The following WDR27 variants were observed in gnomAD, a reference collection of about 807,000 sequenced individuals.
The protein encoded by WDR27 is WD repeat domain 27.
WDR27 carries 100 observed loss-of-function variants against 114.4 expected under a neutral mutation model. That is an observed-to-expected ratio of 0.87 (90% confidence interval 0.74 to 1.03). WDR27 has a LOEUF of 1.03. Ranked by LOEUF, WDR27 falls within the 50% of genes least tolerant of loss-of-function variation. The pLI is 0.00. For synonymous variants in WDR27, 449 were observed against 423.1 expected (o/e 1.06, Z -0.75); for missense variants, 1,129 against 1,092.9 (o/e 1.03, Z -0.47).
chr6:169,656,798 A>G (rs1008427849), intron 13 of WDR27, among the ~76,000 whole-genome samples: 4 of 152,190 alleles, frequency 2.6e-5, no homozygotes, highest in African/African-American at 9.7e-5. Context: ...TCTCTGCTAT[A>G]GTGTCTTTTG....
At chr6:169,552,072 C>G (rs1798214351) in intron 25 of WDR27, among the ~76,000 whole-genome samples, 1 of 152,172 alleles carries the variant, frequency 6.6e-6, no homozygotes, top group Non-Finnish European at 1.5e-5. Flanking sequence ...CCCACTGCCC[C>G]CAGTCACTCA....
In WDR27 at chr6:169,691,529, C is replaced by T. The variant is rs372631364; in HGVS notation, c.-7-2517G>A. ...CTGCTGTCACCAGATCCACTGCTTC[C>T]CAAAACATAAAACATCTTCGGAGAC... On this transcript the variant is annotated intron_variant, in intron 1 of 25. Coordinates refer to ENST00000448612, the MANE Select transcript of WDR27 (RefSeq NM_182552.5). 1.9e-4 allele frequency among the ~76,000 whole-genome samples: 29 copies of T among 152,082 alleles called. No individual in the cohort carries two copies. In the South Asian group the frequency reaches 3.9e-3, roughly 21 times the overall value.
At chr6:169,506,617 T>C (rs1409155821) in intron 25 of WDR27, among the ~76,000 whole-genome samples, 1 of 152,178 alleles carries the variant, frequency 6.6e-6, no homozygotes, top group Non-Finnish European at 1.5e-5. Context: ...AGCACATGAG[T>C]AGGGTAAAAA....
intron 1 of WDR27, among the ~76,000 whole-genome samples, chr6:169,694,872 G>C (rs192499039): frequency 6.6e-6 from 1 of 152,224 alleles, no homozygotes; most frequent in South Asian, 2.1e-4. Context: ...ATTGATCCTT[G>C]AACATTTCTC....
chr6:169,587,997 T>C (rs1489009899), intron 23 of WDR27, among the ~76,000 whole-genome samples: 1 of 152,198 alleles, frequency 6.6e-6, no homozygotes, highest in East Asian at 1.9e-4. Context: ...GCACTTCCTA[T>C]GGGCCCCATG....
At chr6:169,559,756 A>AAC (rs1393793734) in intron 25 of WDR27, 1 of 152,212 alleles carries the variant, frequency 6.6e-6, no homozygotes. Context: ...GTGGCAGCAG[A>AAC]ACACACTCCT....
chr6:169,533,384 G>A (rs1313333370), intron 25 of WDR27, among the ~76,000 whole-genome samples: 1 of 152,078 alleles, frequency 6.6e-6, no homozygotes, highest in African/African-American at 2.4e-5. Context: ...GGAGTGACTG[G>A]GGACTCCTGA....
chr6:169,577,984 T>TA (rs1227836954), intron 24 of WDR27, among the ~76,000 whole-genome samples: 4 of 152,066 alleles, frequency 2.6e-5, no homozygotes, highest in South Asian at 2.1e-4. Flanking sequence ...CCAATTCACA[T>TA]AAAAAAATTC....
At chr6:169,441,618 G>A in the WDR27 span, among the ~76,000 whole-genome samples, 1 of 152,190 alleles carries the variant, frequency 6.6e-6, no homozygotes, top group Non-Finnish European at 1.5e-5. Context: ...CGCAGGAGAT[G>A]CTGAAACAAA....
intron 25 of WDR27, among the ~76,000 whole-genome samples, chr6:169,553,826 C>G (rs1260066689): frequency 1.3e-5 from 2 of 152,114 alleles, no homozygotes; most frequent in Non-Finnish European, 2.9e-5. Flanking sequence ...TGTTCCAAAG[C>G]CCTGGAACCC....
chr6:169,522,230 A>C (rs2128066132), intron 25 of WDR27, among the ~76,000 whole-genome samples: 1 of 152,184 alleles, frequency 6.6e-6, no homozygotes, highest in East Asian at 1.9e-4. Flanking sequence ...GTAAAAAGAG[A>C]CAAAAACACT....
At chr6:169,630,518 C>CT (rs796855744) in intron 21 of WDR27, among the ~76,000 whole-genome samples, 14 of 152,344 alleles carry the variant, frequency 9.2e-5, no homozygotes, top group African/African-American at 3.4e-4. Flanking sequence ...CAGATTTATA[C>CT]TTTAACATTC....
At chr6:169,585,112 A>G (rs1283404540) in intron 23 of WDR27, among the ~76,000 whole-genome samples, 1 of 152,206 alleles carries the variant, frequency 6.6e-6, no homozygotes, top group African/African-American at 2.4e-5. Context: ...TCTGCACACA[A>G]AAGAATGAAA....
chr6:169,621,931 A>G (rs1334246027), intron 21 of WDR27, among the ~76,000 whole-genome samples: 1 of 152,224 alleles, frequency 6.6e-6, no homozygotes, highest in Non-Finnish European at 1.5e-5. Flanking sequence ...CTGTGAAAGG[A>G]AAATAAATCT....
At chr6:169,693,744 A>G (rs545956981) in intron 1 of WDR27, among the ~76,000 whole-genome samples, 1 of 152,198 alleles carries the variant, frequency 6.6e-6, no homozygotes, top group Non-Finnish European at 1.5e-5. Context: ...AAAAAAGACA[A>G]AGAGGGACAT....
At chr6:169,515,105 C>T (rs771401845) in intron 25 of WDR27, among the ~76,000 whole-genome samples, 24 of 152,008 alleles carry the variant, frequency 1.6e-4, no homozygotes, top group African/African-American at 5.8e-4. Context: ...ATTCATGGGT[C>T]GTGGGTCTTT....
intron 1 of WDR27, among the ~76,000 whole-genome samples, chr6:169,700,977 T>C (rs1787805394): frequency 6.6e-6 from 1 of 152,114 alleles, no homozygotes; most frequent in Admixed American, 6.5e-5. Flanking sequence ...CACCTAACAC[T>C]AGGTAAGCAC....
chr6:169,484,166 C>G lies in WDR27; in HGVS notation c.2646-26532G>C, dbSNP rs547215074. Among the ~76,000 whole-genome samples the G allele has an allele frequency of 3.9e-5, 6 of 152,246 alleles. No homozygotes were observed. In the South Asian group the frequency reaches 8.3e-4, roughly 21 times the overall value. On this transcript the variant is annotated intron_variant, in intron 25 of 25. Transcript: ENST00000448612. ...TCCCATTCAACATAGTATTGGAAGT[C>G]CTGGCCAGAGCAATCAGGCAAGAGA...
downstream of WDR27, among the ~76,000 whole-genome samples, chr6:169,452,533 CCGTGCGTGGGGT>C (rs1784196189): frequency 2.8e-5 from 2 of 72,308 alleles, no homozygotes; most frequent in Non-Finnish European, 5.0e-5. Context: ...CAGAGAGGAG[CCGTGCGTGGGGT>C]CAGAGAGGAG....
Sources: allele counts gnomAD v4.1 joint callset (sites outside exome capture counted in the v4.1 genomes callset), GRCh38; gene constraint gnomAD v4.1.1; transcripts MANE v1.5; gene names NCBI Gene and HGNC (gene_info 2026-07-23, HGNC 2026-07-21).